The following TRMT1L variants were observed in gnomAD, a reference collection of about 807,000 sequenced individuals.
The protein encoded by TRMT1L is tRNA methyltransferase 1L, also known as tRNA (guanine(27)-N(2))-dimethyltransferase.
Under a neutral mutation model 81.6 loss-of-function variants are expected in TRMT1L, and 28 were observed. The observed-to-expected ratio is 0.34, with a 90% CI of 0.25 to 0.47. The LOEUF is 0.47. TRMT1L is among the 20% of genes least tolerant of loss of function. The pLI, the probability that TRMT1L is intolerant of heterozygous loss-of-function variation, is 1.00. For synonymous variants in TRMT1L, 301 were observed against 303.2 expected, an observed-to-expected ratio of 0.99 and a Z score of 0.07; for missense variants, 739 against 877.1, an observed-to-expected ratio of 0.84 and a Z score of 1.99.
intron 13 of TRMT1L, among the ~76,000 whole-genome samples, chr1:185,122,915 C>T (rs767434084): frequency 6.6e-5 from 10 of 152,016 alleles, no homozygotes; most frequent in Non-Finnish European, 1.2e-4. Flanking sequence ...GAACTCCTGA[C>T]CTCAAGTGAT....
chr1:185,149,851 T>C (rs968282357), intron 3 of TRMT1L, among the ~76,000 whole-genome samples: 1 of 151,890 alleles, frequency 6.6e-6, no homozygotes, highest in Admixed American at 6.6e-5. Context: ...AATTGTGTCA[T>C]TTTTATCATG....
At chr1:185,125,477 T>C (rs1652601510) in intron 11 of TRMT1L, among the ~76,000 whole-genome samples, 1 of 152,164 alleles carries the variant, frequency 6.6e-6, no homozygotes, top group Non-Finnish European at 1.5e-5. Context: ...CCTAAAACTT[T>C]ATTTTCTATT....
rs1571363975 is a variant in TRMT1L, at chr1:185,156,350, C to T, written c.235+128G>A. ...TTAGCCGCTACACGGGCCCCTCTTT[C>T]CTCCCCACCATTTTCCTAAACCTGC... On this transcript the variant is annotated intron_variant, in intron 1 of 14. Coordinates refer to ENST00000367506, the MANE Select transcript of TRMT1L (RefSeq NM_030934.5). 9.4e-6 allele frequency: 15 copies of T among 1,602,626 alleles called. No individual in the cohort carries two copies. The East Asian group carries it at 2.9e-4, about 31-fold the overall frequency.
At chr1:185,137,543 T>C in intron 10 of TRMT1L, 63 bp downstream of exon 10, 1 of 1,433,098 alleles carries the variant, frequency 7.0e-7, no homozygotes, top group Non-Finnish European at 9.8e-7. Flanking sequence ...TATAATTAGG[T>C]ATGTGATAAA....
At chr1:185,129,299 A>G (rs527493464) in intron 10 of TRMT1L, among the ~76,000 whole-genome samples, 3 of 152,356 alleles carry the variant, frequency 2.0e-5, no homozygotes, top group South Asian at 2.1e-4. Context: ...GATATTTCTC[A>G]TAAGTTAACT....
chr1:185,132,255 T>C (rs1426665361), intron 10 of TRMT1L, among the ~76,000 whole-genome samples: 1 of 152,080 alleles, frequency 6.6e-6, no homozygotes, highest in African/African-American at 2.4e-5. Context: ...CAGTGGCTCA[T>C]GCCTGTAATC....
intron 12 of TRMT1L, among the ~76,000 whole-genome samples, chr1:185,124,141 AAT>A (rs1451091904): frequency 8.0e-6 from 1 of 125,330 alleles, no homozygotes; most frequent in Non-Finnish European, 1.7e-5. Flanking sequence ...GGCTCATATC[AAT>A]AGTCAGATAC....
chr1:185,155,409 A>C (rs1653482196), intron 1 of TRMT1L, among the ~76,000 whole-genome samples: 1 of 152,226 alleles, frequency 6.6e-6, no homozygotes, highest in South Asian at 2.1e-4. Flanking sequence ...CTCTGATCTT[A>C]TATAATGAGA....
Position 185,143,297 on chromosome 1 carries a change from G to GA in TRMT1L, c.859+59dup. 3.4e-6 allele frequency: 5 copies of GA among 1,449,428 alleles called. No individual in the cohort carries two copies. In the East Asian group the frequency reaches 9.4e-5, roughly 27 times the overall value. 89.8% of individuals were successfully genotyped at this position (1,449,428 alleles called of 1,614,324 possible). A position where few individuals can be genotyped will look rare whatever the true frequency, so the allele number is the denominator to read the frequency against. On this transcript the variant is annotated intron_variant, in intron 7 of 14. Coordinates refer to ENST00000367506, the MANE Select transcript of TRMT1L (RefSeq NM_030934.5). The stretch of plus-strand genomic sequence containing the variant: ...ATCACTGCCCATATATATTTTCTAA[G>GA]AAAAAATACTGTAAAATTGAATAAA...
chr1:185,156,920 A>G lies in TRMT1L; in HGVS notation c.-208T>C, dbSNP rs1653624748. 3 of 655,744 alleles carry G rather than the reference A, an allele frequency of 4.6e-6. No individual in the cohort carries two copies. The highest frequency in any genetic ancestry group is 3.6e-5 in the Admixed American group (1 of 27,638). 40.6% of individuals were successfully genotyped at this position (655,744 alleles called of 1,614,324 possible). A position where few individuals can be genotyped will look rare whatever the true frequency, so the allele number is the denominator to read the frequency against. On this transcript the variant is annotated 5_prime_UTR_variant, in exon 1 of 15. Transcript: ENST00000367506. ...AGAAAGCCAGAGGCAGCGATTCCAGATGCCCGTCCGCTTCCCTTTCCCCGA... is the reference window on the plus strand; with the variant it reads ...AGAAAGCCAGAGGCAGCGATTCCAGGTGCCCGTCCGCTTCCCTTTCCCCGA...
rs1653627126 is a variant in TRMT1L at position 185,156,936 on chromosome 1, C to T, written c.-224G>A. 6.4e-6 allele frequency: 4 copies of T among 625,182 alleles called. No homozygotes were observed. In the East Asian group the frequency reaches 9.7e-5, roughly 15 times the overall value. The allele number at this position is 625,182 out of a possible 1,614,324, so 38.7% of individuals were successfully genotyped here. ...CGATTCCAGATGCCCGTCCGCTTCC[C>T]TTTCCCCGAGGCGTTACGACGCCAC... On this transcript the variant is annotated 5_prime_UTR_variant, in exon 1 of 15. Transcript: ENST00000367506.
intron 10 of TRMT1L, among the ~76,000 whole-genome samples, chr1:185,137,028 CAACTT>C (rs1652917781): frequency 1.3e-5 from 2 of 152,012 alleles, no homozygotes; most frequent in South Asian, 2.1e-4. Flanking sequence ...AAAAAATCTG[CAACTT>C]AACATAGTAA....
intron 10 of TRMT1L, among the ~76,000 whole-genome samples, chr1:185,135,260 C>T (rs1008382798): frequency 2.6e-5 from 4 of 151,664 alleles, no homozygotes. Flanking sequence ...TACTAAAATA[C>T]AAAAAGTTAG....
At chr1:185,130,936 GGGGTGTCT>G in intron 10 of TRMT1L, among the ~76,000 whole-genome samples, 1 of 152,106 alleles carries the variant, frequency 6.6e-6, no homozygotes, top group South Asian at 2.1e-4. Context: ...TTGACATTTG[GGGGTGTCT>G]TACTAAAAAA....
intron 1 of TRMT1L, among the ~76,000 whole-genome samples, chr1:185,155,473 C>G (rs539214177): frequency 1.2e-4 from 19 of 152,326 alleles, no homozygotes; most frequent in Middle Eastern, 3.4e-3. Flanking sequence ...TAGCCCTACT[C>G]TGAAATCTAT....
chr1:185,124,213 A>T (rs548621449), intron 12 of TRMT1L, among the ~76,000 whole-genome samples: 1 of 152,322 alleles, frequency 6.6e-6, no homozygotes, highest in South Asian at 2.1e-4. Flanking sequence ...CTGAATGAGA[A>T]GTATAAATGT....
intron 11 of TRMT1L, among the ~76,000 whole-genome samples, chr1:185,125,791 T>C (rs988147104): frequency 6.6e-6 from 1 of 152,170 alleles, no homozygotes; most frequent in Admixed American, 6.5e-5. Context: ...TATACAATGT[T>C]GACCTTATAA....
intron 2 of TRMT1L, among the ~76,000 whole-genome samples, chr1:185,150,705 C>A (rs944023320): frequency 6.7e-6 from 1 of 149,598 alleles, no homozygotes; most frequent in Non-Finnish European, 1.5e-5. Context: ...AAATTTCCCT[C>A]TCTGTAGCTA....
At chr1:185,126,597 A>G (rs1026173587) in intron 11 of TRMT1L, among the ~76,000 whole-genome samples, 2 of 152,220 alleles carry the variant, frequency 1.3e-5, no homozygotes, top group African/African-American at 4.8e-5. Flanking sequence ...GAATTTAGAG[A>G]TTATATTGGG....
Sources: allele counts gnomAD v4.1 joint callset (sites outside exome capture counted in the v4.1 genomes callset), GRCh38; gene constraint gnomAD v4.1.1; transcripts MANE v1.5; gene names NCBI Gene and HGNC (gene_info 2026-07-23, HGNC 2026-07-21).